GRB7: variants seen among roughly 807,000 people sequenced by gnomAD.
GRB7 encodes growth factor receptor bound protein 7.
Under a neutral mutation model 64.1 loss-of-function variants are expected in GRB7, and 47 were observed. The observed-to-expected ratio is 0.73, with a 90% CI of 0.58 to 0.94. The LOEUF is 0.94. GRB7 is among the 40% of genes least tolerant of loss of function. The pLI, the probability that GRB7 is intolerant of heterozygous loss-of-function variation, is 0.00. For synonymous variants in GRB7, 277 were observed against 279.9 expected, an observed-to-expected ratio of 0.99 and a Z score of 0.10; for missense variants, 634 against 718.4, an observed-to-expected ratio of 0.88 and a Z score of 1.34.
At chr17:39,746,260 G>A (rs1735329263) in intron 14 of GRB7, 58 bp downstream of exon 14, 2 of 1,407,252 alleles carry the variant, frequency 1.4e-6, no homozygotes, top group Non-Finnish European at 2.0e-6. Context: ...CCAGCAACCT[G>A]TCCTCCTCAC....
At chr17:39,744,233 A>T in intron 7 of GRB7, 26 bp downstream of exon 7, 1 of 1,612,310 alleles carries the variant, frequency 6.2e-7, no homozygotes, top group Non-Finnish European at 8.5e-7. Flanking sequence ...TACCAGCCCC[A>T]GCCCCTCCAG....
At chr17:39,745,833 C>T (rs762867102) in intron 12 of GRB7, 45 bp downstream of exon 12, 4 of 1,613,186 alleles carry the variant, frequency 2.5e-6, no homozygotes, top group Non-Finnish European at 3.4e-6. Flanking sequence ...GCCTCAACTT[C>T]TCTTTGTATT....
At chr17:39,739,127 C>T in intron 1 of GRB7, 1 of 463,790 alleles carries the variant, frequency 2.2e-6, no homozygotes, top group East Asian at 3.3e-5. Flanking sequence ...ATGAATGCAT[C>T]TGCCGGCAAG....
chr17:39,741,128 GT>G (rs1354286724), intron 1 of GRB7, among the ~76,000 whole-genome samples: 1 of 152,176 alleles, frequency 6.6e-6, no homozygotes, highest in Non-Finnish European at 1.5e-5. Context: ...TAAGACATGG[GT>G]GAGATTGGCC....
chr17:39,746,978 G>T lies in GRB7; in HGVS notation c.*81G>T. ...CCACCCATCCAGTGGACTCTGGGGC[G>T]CGGCCACAGGGGACGGGATGAGGAG... On this transcript the variant is annotated 3_prime_UTR_variant, in exon 15 of 15. Coordinates refer to ENST00000309156, the MANE Select transcript of GRB7 (RefSeq NM_005310.5). 1 of 1,463,046 alleles carries T rather than the reference G, an allele frequency of 6.8e-7. No individual in the cohort carries two copies. Among genetic ancestry groups the T allele is most frequent in the Non-Finnish European group, 9.3e-7 (1 of 1,079,940 alleles). The allele number at this position is 1,463,046 out of a possible 1,614,324, so 90.6% of individuals were successfully genotyped here.
At chr17:39,738,682 C>G (rs2059971035) in intron 1 of GRB7, 1 of 461,948 alleles carries the variant, frequency 2.2e-6, no homozygotes, top group East Asian at 3.3e-5. Flanking sequence ...TAGCCCCTCC[C>G]CGCACACCCG....
chr17:39,742,520 A>G (rs200347610), intron 2 of GRB7, 46 bp from the exon 3 acceptor site: 3 of 1,613,106 alleles, frequency 1.9e-6, no homozygotes, highest in South Asian at 1.1e-5. Context: ...CTTGCAGGCC[A>G]CTGCTCCCTT....
intron 1 of GRB7, 107 bp from the exon 2 acceptor site, chr17:39,742,145 T>C: frequency 1.3e-6 from 1 of 761,110 alleles, no homozygotes; most frequent in African/African-American, 1.7e-5. Context: ...CCCAAGGGCT[T>C]CAGGGAAACT....
chr17:39,740,631 G>A (rs989977193), intron 1 of GRB7, among the ~76,000 whole-genome samples: 3 of 248 alleles, frequency 0.012, no homozygotes, highest in Non-Finnish European at 0.014. Flanking sequence ...GGTGATGTCA[G>A]GAGCCTCAGG....
rs927979964 is a variant in GRB7, at chr17:39,747,120, C to A, written c.*223C>A. On this transcript the variant is annotated 3_prime_UTR_variant, in exon 15 of 15. Transcript: ENST00000309156. ...CTCCTCAAGGGAAGGCCTTGGGTGGCCCCCTCTCCTTCTCCTAGCTCTGGA... is the reference window on the plus strand; with the variant it reads ...CTCCTCAAGGGAAGGCCTTGGGTGGACCCCTCTCCTTCTCCTAGCTCTGGA... 8.9e-6 allele frequency: 5 copies of A among 558,676 alleles called. No individual in the cohort carries two copies. Among genetic ancestry groups the A allele is most frequent in the Non-Finnish European group, 1.6e-5 (5 of 317,680 alleles). 34.6% of individuals were successfully genotyped at this position (558,676 alleles called of 1,614,324 possible).
chr17:39,744,298 C>G lies in GRB7; in HGVS notation c.801+91C>G. ...TCTGCTGGAACCTCTGAGCCCTTCT[C>G]CCCCTGGGCCCCCCAGGCCAGCCAC... On this transcript the variant is annotated intron_variant, in intron 7 of 14. Coordinates refer to ENST00000309156, the MANE Select transcript of GRB7 (RefSeq NM_005310.5). 3 of 1,464,022 alleles carry G rather than the reference C, an allele frequency of 2.0e-6. No homozygotes were observed. In the Admixed American group the frequency reaches 5.7e-5, roughly 28 times the overall value. 90.7% of individuals were successfully genotyped at this position (1,464,022 alleles called of 1,614,324 possible). A position where few individuals can be genotyped will look rare whatever the true frequency, so the allele number is the denominator to read the frequency against.
intron 7 of GRB7, 99 bp downstream of exon 7, chr17:39,744,306 G>GC: frequency 7.0e-7 from 1 of 1,421,692 alleles, no homozygotes. Context: ...CTCCCCCTGG[G>GC]CCCCCCAGGC....
chr17:39,747,123 C>T lies in GRB7; in HGVS notation c.*226C>T, dbSNP rs1263976659. ...CTCAAGGGAAGGCCTTGGGTGGCCC[C>T]CTCTCCTTCTCCTAGCTCTGGAGGT... On this transcript the variant is annotated 3_prime_UTR_variant, in exon 15 of 15. Coordinates refer to ENST00000309156, the MANE Select transcript of GRB7 (RefSeq NM_005310.5). 1.8e-6 allele frequency: 1 copy of T among 556,368 alleles called. No homozygotes were observed. The highest frequency in any genetic ancestry group is 3.2e-6 in the Non-Finnish European group (1 of 315,830). 34.5% of individuals were successfully genotyped at this position (556,368 alleles called of 1,614,324 possible). A position where few individuals can be genotyped will look rare whatever the true frequency, so the allele number is the denominator to read the frequency against.
At chr17:39,743,117 T>C in intron 4 of GRB7, 63 bp downstream of exon 4, 1 of 1,603,222 alleles carries the variant, frequency 6.2e-7, no homozygotes. Context: ...GGGCTAGGCA[T>C]GTGGCTCATC....
In GRB7 at chr17:39,743,408, G is replaced by C. The variant is rs1451328170; in HGVS notation, c.601G>C (p.Glu201Gln). The change falls in exon 6 of 15, where the codon GAA (glutamate) becomes CAA (glutamine). Residue 201 changes from glutamate (E) to glutamine (Q), a missense_variant. Physicochemically the swap from Glu to Gln is conservative, Grantham distance 29. This residue lies in a region of GRB7 where 467 missense variants were observed against 576.6 expected (regional missense o/e 0.81). Transcript: ENST00000309156. The part of the protein sequence containing the change: ...FKSSPHSLFP[E>Q]KMVSSCLDAH... ...CTACCCACAGCACTCCCTGTTCCCA[G>C]AAAAAATGGTCTCCAGCTGTCTCGA... is the stretch of plus-strand genomic sequence containing the variant. The C allele has an allele frequency of 1.2e-6, 2 of 1,613,936 alleles. No individual in the cohort carries two copies. The highest frequency in any genetic ancestry group is 4.5e-5 in the East Asian group (2 of 44,878).
At position 39,745,983 on chromosome 17, in the gene GRB7, G is replaced by T; in HGVS notation, c.1341G>T (p.Gln447His). The T allele has an allele frequency of 6.2e-7, 1 of 1,614,050 alleles. No individual in the cohort carries two copies. Among genetic ancestry groups the T allele is most frequent in the Non-Finnish European group, 8.5e-7 (1 of 1,179,928 alleles). Reference sequence around the variant, plus strand: ...AGGAGAGCCAGCGGCTTATTGGACAGCAGGGCTTGGTAGACGGGTAAGGGG... The same window carrying T: ...AGGAGAGCCAGCGGCTTATTGGACATCAGGGCTTGGTAGACGGGTAAGGGG... ...SREESQRLIG[Q>H]QGLVDGLFLV... is the part of the protein sequence containing the mutation. Residue 447 changes from glutamine (Q) to histidine (H), a missense_variant, in exon 13 of 15, where the codon CAG becomes CAT. Around this residue, in one of 2 missense-constraint regions of GRB7, gnomAD observed 467 missense variants for 576.6 expected, o/e 0.81. Coordinates refer to ENST00000309156, the MANE Select transcript of GRB7 (RefSeq NM_005310.5).
Position 39,742,298 on chromosome 17 carries a change from C to T in GRB7, c.-4C>T, listed in dbSNP as rs377313312. 4.7e-5 allele frequency: 76 copies of T among 1,613,950 alleles called. No individual in the cohort carries two copies. Among genetic ancestry groups the T allele is most frequent in the Non-Finnish European group, 5.9e-5 (70 of 1,179,954 alleles). On this transcript the variant is annotated 5_prime_UTR_variant, in exon 2 of 15. It adds an upstream start codon to the 5' untranslated region. Coordinates refer to ENST00000309156, the MANE Select transcript of GRB7 (RefSeq NM_005310.5). ...CCGTTAAGCCCCTCTCTTGCTCAGA[C>T]GCCATGGAGCTGGATCTGTCTCCAC...
Position 39,743,482 on chromosome 17 carries a change from C to A in GRB7, c.663+12C>A. On this transcript the variant is annotated intron_variant, in intron 6 of 14. Coordinates refer to ENST00000309156, the MANE Select transcript of GRB7 (RefSeq NM_005310.5). ...AAGACCTCATCCAGGTGGGGGGACC[C>A]CCCATTTCACTGCAGATTCACGACT... 6.2e-7 allele frequency: 1 copy of A among 1,607,988 alleles called. No homozygotes were observed.
chr17:39,746,147 G>T lies in GRB7; in HGVS notation c.1397G>T (p.Gly466Val), dbSNP rs1374540837. Residue 466 changes from glycine (G) to valine (V), a missense_variant, in exon 14 of 15, where the codon GGC (glycine) becomes GTC (valine). Gly to Val is a moderately radical substitution (Grantham distance 109). Coordinates refer to ENST00000309156, the MANE Select transcript of GRB7 (RefSeq NM_005310.5). ...CGGGAGAGTCAGCGGAACCCCCAGG[G>T]CTTTGTCCTCTCTTTGTGCCACCTG... The part of the protein sequence containing the change: ...LVRESQRNPQ[G>V]FVLSLCHLQK... 6.2e-7 allele frequency: 1 copy of T among 1,614,104 alleles called. No individual in the cohort carries two copies. Among genetic ancestry groups the T allele is most frequent in the Admixed American group, 1.7e-5 (1 of 60,012 alleles).
Sources: gnomAD v4.1 joint callset for allele counts (sites outside exome capture counted in the v4.1 genomes callset) on GRCh38, gnomAD v4.1.1 for gene constraint, gnomAD v4.1.1 regional missense constraint, MANE v1.5 for transcripts, NCBI Gene and HGNC (gene_info 2026-07-23, HGNC 2026-07-21) for gene names.